Variants in NHS observed in about 807,000 individuals in gnomAD.
NHS encodes NHS actin remodeling regulator.
Under a neutral mutation model 72.5 loss-of-function variants are expected in NHS, and 5 were observed. The ratio of observed to expected loss-of-function variants is 0.07; its 90% CI spans 0.04 to 0.14. The LOEUF (loss-of-function observed/expected upper bound fraction) is 0.14. Among genes scored for constraint, NHS ranks in the 10% least tolerant of loss-of-function variants. NHS has a pLI of 1.00. For synonymous variants in NHS, 464 were observed against 547.7 expected, an observed-to-expected ratio of 0.85 and a Z score of 2.13; for missense variants, 1,072 against 1,355.7, an observed-to-expected ratio of 0.79 and a Z score of 3.29.
intron 1 of NHS, among the ~76,000 whole-genome samples, chrX:17,430,114 C>CCTTT (rs1210470484): frequency 1.1e-5 from 1 of 92,504 alleles, no homozygotes; most frequent in African/African-American, 4.5e-5. Context: ...TTCCTTCCTT[C>CCTTT]CTTTCCTCCA....
At chrX:17,549,954 G>T (rs1352716211) in intron 1 of NHS, among the ~76,000 whole-genome samples, 2 of 111,696 alleles carry the variant, frequency 1.8e-5, no homozygotes, top group African/African-American at 6.5e-5. Context: ...TTGGAAGAAA[G>T]ATTGAATTCA....
chrX:17,402,084 G>C (rs1330379570), intron 1 of NHS, among the ~76,000 whole-genome samples: 1 of 111,887 alleles, frequency 8.9e-6, no homozygotes, highest in Non-Finnish European at 1.9e-5. Context: ...ATGAAAAGAT[G>C]CTCAACATCA....
chrX:17,665,289 C>T (rs2147095799), intron 1 of NHS, among the ~76,000 whole-genome samples: 1 of 97,907 alleles, frequency 1.0e-5, no homozygotes, highest in East Asian at 3.3e-4. Flanking sequence ...GGGAAATCAA[C>T]ATTTCACCAT....
chrX:17,661,059 G>A (rs1036663217), intron 1 of NHS, among the ~76,000 whole-genome samples: 5 of 111,605 alleles, frequency 4.5e-5, no homozygotes, highest in Non-Finnish European at 7.5e-5. Context: ...CCCTACGGAA[G>A]CATCAAGGCT....
chrX:17,379,700 G>A (rs992625943), intron 1 of NHS, among the ~76,000 whole-genome samples: 1 of 111,906 alleles, frequency 8.9e-6, no homozygotes, highest in African/African-American at 3.3e-5. Context: ...GCTTGGATCC[G>A]GGAGGCAGAG....
At chrX:17,664,091 G>A (rs1019385556) in intron 1 of NHS, among the ~76,000 whole-genome samples, 2 of 111,530 alleles carry the variant, frequency 1.8e-5, no homozygotes, top group African/African-American at 6.5e-5. Context: ...TATACACTGA[G>A]TAAAAGTTCT....
intron 1 of NHS, among the ~76,000 whole-genome samples, chrX:17,457,810 A>G (rs2064831179): frequency 9.0e-6 from 1 of 111,427 alleles, no homozygotes; most frequent in Admixed American, 9.5e-5. Flanking sequence ...CATGTATATT[A>G]TGTTCATTGT....
intron 1 of NHS, among the ~76,000 whole-genome samples, chrX:17,459,588 C>T (rs2064839130): frequency 8.9e-6 from 1 of 112,212 alleles, no homozygotes; most frequent in South Asian, 3.7e-4. Context: ...CTATTTCAAA[C>T]TGTTTTTTCT....
intron 1 of NHS, among the ~76,000 whole-genome samples, chrX:17,469,750 C>T (rs979935098): frequency 5.4e-5 from 6 of 111,923 alleles, no homozygotes; most frequent in African/African-American, 1.9e-4. Context: ...AAGTGATTCT[C>T]GTGCCTCAGC....
In NHS at chrX:17,469,797, C is replaced by G. The variant is rs550464874; in HGVS notation, c.565+93475C>G. 3.5e-4 allele frequency among the ~76,000 whole-genome samples: 39 copies of G among 111,006 alleles called. No individual in the cohort carries two copies. The South Asian group carries it at 0.014, about 41-fold the overall frequency. ...CTGGGATTACAGGCATGCACCACCACGCCTGGCCAATTTTTGTATTTTTAG... is the reference window on the plus strand; with the variant it reads ...CTGGGATTACAGGCATGCACCACCAGGCCTGGCCAATTTTTGTATTTTTAG... On this transcript the variant is annotated intron_variant, in intron 1 of 8. Coordinates refer to ENST00000676302, the MANE Select transcript of NHS (RefSeq NM_001291867.2).
intron 1 of NHS, among the ~76,000 whole-genome samples, chrX:17,407,064 T>C (rs1022843849): frequency 3.6e-4 from 40 of 111,901 alleles, no homozygotes; most frequent in African/African-American, 1.2e-3. Context: ...GGCTCAGGTA[T>C]ACCTGAGAAA....
At chrX:17,607,531 C>A (rs1209923839) in intron 1 of NHS, among the ~76,000 whole-genome samples, 1 of 111,527 alleles carries the variant, frequency 9.0e-6, no homozygotes, top group African/African-American at 3.3e-5. Flanking sequence ...TTCTGTTTCT[C>A]CCCCTAGTAA....
intron 1 of NHS, among the ~76,000 whole-genome samples, chrX:17,549,640 G>A (rs1014963063): frequency 5.4e-5 from 6 of 111,794 alleles, no homozygotes; most frequent in East Asian, 2.8e-4. Context: ...GCGTGAGGGC[G>A]CAGGGTGCCA....
At chrX:17,438,436 T>C (rs1481670373) in intron 1 of NHS, among the ~76,000 whole-genome samples, 1 of 111,807 alleles carries the variant, frequency 8.9e-6, no homozygotes, top group African/African-American at 3.3e-5. Context: ...GTCATTTTCC[T>C]CCCTAGGCCT....
rs777074629 is a variant in NHS at position 17,679,863 on chromosome X, G to T, written c.566-7879G>T. Among the ~76,000 whole-genome samples the T allele has an allele frequency of 5.2e-4, 54 of 104,278 alleles. 3 individuals carry two copies. In the East Asian group the frequency reaches 0.016, roughly 31 times the overall value. 90.6% of individuals were successfully genotyped at this position (104,278 alleles called of 115,157 possible). ...ATCTTTAACCAGAATGAAGAAAGGG[G>T]GGGGGGGTGTGCGTTTCCACTGCTG... On this transcript the variant is annotated intron_variant, in intron 1 of 8. Coordinates refer to ENST00000676302, the MANE Select transcript of NHS (RefSeq NM_001291867.2).
chrX:17,417,093 C>T (rs1160907459), intron 1 of NHS, among the ~76,000 whole-genome samples: 1 of 95,287 alleles, frequency 1.0e-5, no homozygotes, highest in Non-Finnish European at 2.0e-5. Flanking sequence ...AAACAGAATA[C>T]ACACACACAC....
intron 1 of NHS, among the ~76,000 whole-genome samples, chrX:17,580,636 A>AATGCTTGATGCT (rs2065538771): frequency 9.0e-6 from 1 of 111,715 alleles, no homozygotes; most frequent in Non-Finnish European, 1.9e-5. Flanking sequence ...CGGAGGACAG[A>AATGCTTGATGCT]GTGTGGAGCT....
At chrX:17,656,985 C>T (rs1366332673) in intron 1 of NHS, among the ~76,000 whole-genome samples, 1 of 113,137 alleles carries the variant, frequency 8.8e-6, no homozygotes, top group Non-Finnish European at 1.9e-5. Flanking sequence ...AGCTGTGATG[C>T]TGTAAGGCAA....
intron 1 of NHS, among the ~76,000 whole-genome samples, chrX:17,576,160 C>T (rs714382): frequency 0.41 from 45,510 of 110,198 alleles, 7,350 homozygotes; most frequent in East Asian, 0.72. Flanking sequence ...ATGTTATTCT[C>T]TCACTATCCT....
Sources: allele counts gnomAD v4.1 joint callset (sites outside exome capture counted in the v4.1 genomes callset), GRCh38; gene constraint gnomAD v4.1.1; transcripts MANE v1.5; gene names NCBI Gene and HGNC (gene_info 2026-07-23, HGNC 2026-07-21).